GRID2: variants seen among roughly 807,000 people sequenced by gnomAD.
GRID2 encodes the protein glutamate receptor ionotropic, delta-2.
GRID2 carries 33 observed loss-of-function variants against 114.8 expected under a neutral mutation model. The observed-to-expected ratio is 0.29, with a 90% confidence interval of 0.22 to 0.38. The LOEUF (loss-of-function observed/expected upper bound fraction) is 0.38. GRID2 is among the 10% of genes least tolerant of loss of function. GRID2 has a pLI of 1.00. For synonymous variants in GRID2, 505 were observed against 449.9 expected (o/e 1.12, Z -1.55); for missense variants, 1,184 against 1,257.7 (o/e 0.94, Z 0.89).
intron 1 of GRID2, among the ~76,000 whole-genome samples, chr4:92,415,920 C>T (rs1363663676): frequency 6.6e-6 from 1 of 151,530 alleles, no homozygotes; most frequent in Non-Finnish European, 1.5e-5. Context: ...GGTAGATACT[C>T]AGTCGTGGGC....
intron 11 of GRID2, among the ~76,000 whole-genome samples, chr4:93,473,078 A>G (rs1044718019): frequency 6.6e-6 from 1 of 152,172 alleles, no homozygotes; most frequent in Non-Finnish European, 1.5e-5. Context: ...TACATCCTTG[A>G]CATCTATTTT....
intron 14 of GRID2, among the ~76,000 whole-genome samples, chr4:93,645,194 C>T (rs542680585): frequency 4.8e-4 from 73 of 152,192 alleles, no homozygotes; most frequent in African/African-American, 9.2e-4. Context: ...CAGAAATCAA[C>T]GGAAAGAGGG....
At chr4:93,139,177 A>G (rs1361301762) in intron 4 of GRID2, among the ~76,000 whole-genome samples, 1 of 152,246 alleles carries the variant, frequency 6.6e-6, no homozygotes, top group Admixed American at 6.5e-5. Flanking sequence ...GCAATTATCT[A>G]GGTTAACACA....
chr4:92,961,057 C>T (rs894005251), intron 2 of GRID2, among the ~76,000 whole-genome samples: 3 of 151,772 alleles, frequency 2.0e-5, no homozygotes, highest in African/African-American at 4.8e-5. Flanking sequence ...AAAAATAATA[C>T]TTAATATTTC....
intron 8 of GRID2, among the ~76,000 whole-genome samples, chr4:93,343,551 T>C (rs77393174): frequency 6.6e-6 from 1 of 152,156 alleles, no homozygotes; most frequent in South Asian, 2.1e-4. Context: ...TCCTTCATTT[T>C]GAAAATGGTC....
rs527770693 is a variant in GRID2 at position 92,975,156 on chromosome 4, C to CAAAA, written c.245-109821_245-109818dup. Reference sequence around the variant, plus strand: ...TGGGCGACAGAGTGAGATTCCGCCTCAAAAAAAAAAAAAAAAAAAAAGGTG... The same window carrying CAAAA: ...TGGGCGACAGAGTGAGATTCCGCCTCAAAAAAAAAAAAAAAAAAAAAAAAAGGTG... On this transcript the variant is annotated intron_variant, in intron 2 of 15. Coordinates refer to ENST00000282020, the MANE Select transcript of GRID2 (RefSeq NM_001510.4). Among the ~76,000 whole-genome samples the CAAAA allele has an allele frequency of 5.6e-4, 26 of 46,666 alleles. 2 individuals are homozygous for CAAAA. The East Asian group carries it at 6.8e-3, about 12-fold the overall frequency. The allele number at this position is 46,666 out of a possible 152,430, so 30.6% of individuals were successfully genotyped here.
chr4:92,613,093 T>A (rs1729834604), intron 2 of GRID2, among the ~76,000 whole-genome samples: 1 of 151,424 alleles, frequency 6.6e-6, no homozygotes, highest in Non-Finnish European at 1.5e-5. Context: ...TTGAAGAAAT[T>A]TCCTAATACT....
intron 13 of GRID2, among the ~76,000 whole-genome samples, chr4:93,559,974 A>G (rs946508582): frequency 6.6e-6 from 1 of 152,054 alleles, no homozygotes; most frequent in South Asian, 2.1e-4. Flanking sequence ...AAACTAACAC[A>G]GGAACAGAAA....
At chr4:93,795,307 A>C (rs1734775709) in intron 1 of GRID2, among the ~76,000 whole-genome samples, 1 of 152,006 alleles carries the variant, frequency 6.6e-6, no homozygotes, top group South Asian at 2.1e-4. Flanking sequence ...AAAAAGACTT[A>C]TAGAAGCATC....
At chr4:92,967,192 G>A (rs907081087) in intron 2 of GRID2, among the ~76,000 whole-genome samples, 3 of 151,882 alleles carry the variant, frequency 2.0e-5, no homozygotes, top group African/African-American at 7.3e-5. Context: ...AAATCTGGGA[G>A]CCTTGTGAAT....
chr4:92,872,372 A>AAAAT (rs1745338846), intron 2 of GRID2, among the ~76,000 whole-genome samples: 1 of 152,188 alleles, frequency 6.6e-6, no homozygotes, highest in Admixed American at 6.5e-5. Context: ...TAGCAATATG[A>AAAAT]AAATAACAAA....
intron 8 of GRID2, among the ~76,000 whole-genome samples, chr4:93,368,117 A>G (rs1259762745): frequency 2.0e-5 from 3 of 152,180 alleles, no homozygotes. Context: ...GGAAAACAAA[A>G]TTAACTATCT....
In GRID2 at chr4:92,719,164, T is replaced by G. The variant is rs551700701; in HGVS notation, c.244+128878T>G. Among the ~76,000 whole-genome samples, 5 of 152,080 alleles carry G rather than the reference T, an allele frequency of 3.3e-5. No homozygotes were observed. The East Asian group carries it at 9.7e-4, about 30-fold the overall frequency. On this transcript the variant is annotated intron_variant, in intron 2 of 15. Coordinates refer to ENST00000282020, the MANE Select transcript of GRID2 (RefSeq NM_001510.4). ...ACCATGCCTAGCTAATTTTTTGTATTTTAGTAGAGACAGGATTTCATCATG... is the reference window on the plus strand; with the variant it reads ...ACCATGCCTAGCTAATTTTTTGTATGTTAGTAGAGACAGGATTTCATCATG...
At chr4:92,895,186 T>C (rs563173418) in intron 2 of GRID2, among the ~76,000 whole-genome samples, 6 of 151,732 alleles carry the variant, frequency 4.0e-5, no homozygotes, top group Non-Finnish European at 1.5e-5. Context: ...TTAAAATGGA[T>C]AAATCTGTGA....
At chr4:93,370,452 C>T (rs984453904) in intron 8 of GRID2, among the ~76,000 whole-genome samples, 9 of 149,522 alleles carry the variant, frequency 6.0e-5, no homozygotes, top group African/African-American at 2.2e-4. Flanking sequence ...CACACACACA[C>T]GCACACACAA....
At chr4:93,510,473 T>C (rs548617834) in intron 12 of GRID2, among the ~76,000 whole-genome samples, 3 of 152,206 alleles carry the variant, frequency 2.0e-5, no homozygotes, top group Non-Finnish European at 2.9e-5. Context: ...TTTAAAAAAA[T>C]AGTTGACAGT....
At chr4:93,184,507 CAAA>C (rs1170737672) in intron 4 of GRID2, among the ~76,000 whole-genome samples, 8,284 of 79,348 alleles carry the variant, frequency 0.1, 262 homozygotes, top group East Asian at 0.23. Context: ...TATTATTTCT[CAAA>C]AAAAAAAAAA....
chr4:93,210,224 A>G (rs144311373), intron 5 of GRID2, among the ~76,000 whole-genome samples: 1 of 152,120 alleles, frequency 6.6e-6, no homozygotes, highest in African/African-American at 2.4e-5. Context: ...TGGGTTTTAC[A>G]TTTAAGGTTT....
At chr4:92,974,148 C>T (rs764846180) in intron 2 of GRID2, among the ~76,000 whole-genome samples, 16 of 152,112 alleles carry the variant, frequency 1.1e-4, no homozygotes, top group East Asian at 3.9e-4. Flanking sequence ...TACCATCTCA[C>T]GCCAGTTAGA....
Sources: gnomAD v4.1 joint callset for allele counts (sites outside exome capture counted in the v4.1 genomes callset) on GRCh38, gnomAD v4.1.1 for gene constraint, MANE v1.5 for transcripts, NCBI Gene and HGNC (gene_info 2026-07-23, HGNC 2026-07-21) for gene names.